NRXN3: variants seen among roughly 807,000 people sequenced by gnomAD.
The protein encoded by NRXN3 is neurexin 3.
Under a neutral mutation model 137.6 loss-of-function variants are expected in NRXN3, and 32 were observed. The ratio of observed to expected loss-of-function variants is 0.23; its 90% confidence interval spans 0.18 to 0.31. The LOEUF is 0.31. Ranked by LOEUF, NRXN3 falls within the 10% of genes least tolerant of loss-of-function variation. The pLI, the probability that NRXN3 is intolerant of heterozygous loss-of-function variation, is 1.00. For missense variants in NRXN3, 1,574 were observed against 2,062.5 expected (o/e 0.76, Z 4.59); for synonymous variants, 798 against 784.5 (o/e 1.02, Z -0.29).
chr14:78,661,329 G>A (rs2097840238), intron 6 of NRXN3, among the ~76,000 whole-genome samples: 1 of 152,154 alleles, frequency 6.6e-6, no homozygotes, highest in South Asian at 2.1e-4. Context: ...ACCTCATCTA[G>A]CTAAATAGCA....
chr14:79,577,637 C>T (rs1398348528), intron 16 of NRXN3, among the ~76,000 whole-genome samples: 1 of 152,164 alleles, frequency 6.6e-6, no homozygotes, highest in Non-Finnish European at 1.5e-5. Context: ...GCAAAACTTT[C>T]TGCCTCATTG....
chr14:79,385,128 T>C (rs573788660), intron 15 of NRXN3, among the ~76,000 whole-genome samples: 1 of 151,566 alleles, frequency 6.6e-6, no homozygotes, highest in Admixed American at 6.6e-5. Flanking sequence ...GTTACATATG[T>C]ATACATGTGC....
chr14:78,703,850 C>G (rs2098316370), intron 6 of NRXN3: 1 of 152,206 alleles, frequency 6.6e-6, no homozygotes, highest in African/African-American at 2.4e-5. Context: ...AAGTTGTCCT[C>G]TATGCAGATA....
At chr14:79,452,977 A>G (rs2096201505) in intron 15 of NRXN3, among the ~76,000 whole-genome samples, 1 of 152,178 alleles carries the variant, frequency 6.6e-6, no homozygotes, top group Non-Finnish European at 1.5e-5. Flanking sequence ...AATAAATAAA[A>G]ATTTGTTTAA....
chr14:78,891,547 G>A (rs1046512146), intron 10 of NRXN3, among the ~76,000 whole-genome samples: 10 of 151,972 alleles, frequency 6.6e-5, no homozygotes, highest in African/African-American at 2.2e-4. Context: ...TGAAGCTGAG[G>A]CAATATATTA....
chr14:79,736,158 C>T (rs1438471991), intron 19 of NRXN3, among the ~76,000 whole-genome samples: 1 of 152,086 alleles, frequency 6.6e-6, no homozygotes, highest in African/African-American at 2.4e-5. Context: ...CTCATTAATA[C>T]CCTAGCTGAC....
At chr14:79,038,581 A>G (rs1447913719) in intron 15 of NRXN3, among the ~76,000 whole-genome samples, 1 of 152,076 alleles carries the variant, frequency 6.6e-6, no homozygotes, top group Non-Finnish European at 1.5e-5. Flanking sequence ...ACTTCTAATA[A>G]TGGGTATGCT....
intron 4 of NRXN3, among the ~76,000 whole-genome samples, chr14:78,392,127 C>T (rs898027103): frequency 3.3e-5 from 5 of 152,052 alleles, no homozygotes; most frequent in African/African-American, 9.7e-5. Flanking sequence ...ATGAGAAATG[C>T]GGTTTGATAA....
chr14:78,503,734 C>T (rs4903773), intron 4 of NRXN3, among the ~76,000 whole-genome samples: 63,257 of 151,844 alleles, frequency 0.42, 13,350 homozygotes, highest in East Asian at 0.51. Flanking sequence ...TGAAGGTGGA[C>T]ATTATGTGAC....
At chr14:78,808,643 G>A (rs1487728391) in intron 9 of NRXN3, among the ~76,000 whole-genome samples, 1 of 151,978 alleles carries the variant, frequency 6.6e-6, no homozygotes, top group South Asian at 2.1e-4. Flanking sequence ...CCACTTTTCT[G>A]TTGCGGTTGA....
rs181096438 is a variant in NRXN3 at position 79,055,523 on chromosome 14, A to G, written c.3262+67382A>G. On this transcript the variant is annotated intron_variant, in intron 15 of 20. Transcript: ENST00000335750. Reference sequence around the variant, plus strand: ...TAAGAGAAACATTGGCAAATGAAGAAAGGTTAGAGGAAAACATCTAAGGTC... The same window carrying G: ...TAAGAGAAACATTGGCAAATGAAGAGAGGTTAGAGGAAAACATCTAAGGTC... Among the ~76,000 whole-genome samples the G allele has an allele frequency of 1.7e-4, 26 of 152,312 alleles. No individual in the cohort carries two copies. In the East Asian group the frequency reaches 4.4e-3, roughly 26 times the overall value.
chr14:79,751,252 A>T (rs1005757456), intron 19 of NRXN3, among the ~76,000 whole-genome samples: 10 of 151,916 alleles, frequency 6.6e-5, no homozygotes, highest in Non-Finnish European at 1.5e-4. Flanking sequence ...TTCATTGAGC[A>T]GTGGTTTGTA....
At chr14:79,812,361 T>C (rs751606029) in intron 20 of NRXN3, among the ~76,000 whole-genome samples, 78 of 152,056 alleles carry the variant, frequency 5.1e-4, no homozygotes, top group Non-Finnish European at 2.1e-4. Flanking sequence ...AGAAGTTCAG[T>C]TTATTAGGAA....
intron 4 of NRXN3, among the ~76,000 whole-genome samples, chr14:78,425,433 A>G (rs2093625227): frequency 6.6e-6 from 1 of 152,186 alleles, no homozygotes; most frequent in South Asian, 2.1e-4. Flanking sequence ...CTGTGGGGGA[A>G]GTGTCAAATC....
At chr14:79,694,559 GTTA>G (rs1232970115) in intron 18 of NRXN3, among the ~76,000 whole-genome samples, 1 of 151,896 alleles carries the variant, frequency 6.6e-6, no homozygotes, top group Non-Finnish European at 1.5e-5. Flanking sequence ...ATAATGGTCA[GTTA>G]TTATAAAAAT....
intron 15 of NRXN3, among the ~76,000 whole-genome samples, chr14:79,331,797 T>C (rs1036271711): frequency 1.3e-5 from 2 of 151,302 alleles, no homozygotes; most frequent in African/African-American, 4.9e-5. Context: ...GCTCAAAGTG[T>C]AAAAAAAAAG....
At chr14:79,353,273 G>T (rs929217498) in intron 15 of NRXN3, among the ~76,000 whole-genome samples, 8 of 151,868 alleles carry the variant, frequency 5.3e-5, no homozygotes, top group Non-Finnish European at 1.2e-4. Flanking sequence ...AAAATAATTG[G>T]AAGTCCACAA....
At chr14:79,315,425 C>T (rs2088361093) in intron 15 of NRXN3, among the ~76,000 whole-genome samples, 1 of 152,132 alleles carries the variant, frequency 6.6e-6, no homozygotes, top group Admixed American at 6.5e-5. Context: ...AAAGGGGTCT[C>T]TGTAGAGAAA....
At chr14:78,308,163 G>A (rs1734910048) in intron 4 of NRXN3, among the ~76,000 whole-genome samples, 1 of 152,080 alleles carries the variant, frequency 6.6e-6, no homozygotes, top group Admixed American at 6.6e-5. Flanking sequence ...GCATGTGCAT[G>A]CATGTGTGTG....
Sources: gnomAD v4.1 joint callset for allele counts (sites outside exome capture counted in the v4.1 genomes callset) on GRCh38, gnomAD v4.1.1 for gene constraint, MANE v1.5 for transcripts, NCBI Gene and HGNC (gene_info 2026-07-23, HGNC 2026-07-21) for gene names.